Variants in PDE4D observed in about 807,000 individuals in gnomAD.
PDE4D encodes 3',5'-cyclic-AMP phosphodiesterase 4D.
A neutral mutation model predicts 87.4 loss-of-function variants in PDE4D; 24 were observed. That is an observed-to-expected ratio of 0.27 (90% CI 0.20 to 0.39). The LOEUF is 0.39. Ranked by LOEUF, PDE4D falls within the 10% of genes least tolerant of loss-of-function variation. The pLI is 1.00. For missense variants in PDE4D, 714 were observed against 1,041.0 expected, an observed-to-expected ratio of 0.69 and a Z score of 4.32; for synonymous variants, 384 against 383.2, an observed-to-expected ratio of 1.00 and a Z score of -0.02.
chr5:59,039,028 G>T, intron 5 of PDE4D, 57 bp from the exon 6 acceptor site: 1 of 1,537,684 alleles, frequency 6.5e-7, no homozygotes, highest in South Asian at 1.2e-5. Context: ...GGGTCCGCTA[G>T]CGAGTTCAAA....
At chr5:59,142,026 G>C (rs1777968154) in intron 5 of PDE4D, among the ~76,000 whole-genome samples, 1 of 152,070 alleles carries the variant, frequency 6.6e-6, no homozygotes, top group South Asian at 2.1e-4. Flanking sequence ...CTTGCAACCT[G>C]GCCCCACCCT....
chr5:60,099,193 T>G (rs1362157775), intron 2 of PDE4D, among the ~76,000 whole-genome samples: 1 of 151,936 alleles, frequency 6.6e-6, no homozygotes, highest in Non-Finnish European at 1.5e-5. Context: ...TACCCTTCCA[T>G]GTGATGAGTA....
chr5:59,807,144 G>A (rs1401228209), intron 1 of PDE4D, among the ~76,000 whole-genome samples: 5 of 152,020 alleles, frequency 3.3e-5, no homozygotes, highest in Non-Finnish European at 7.4e-5. Context: ...CTAAGCCCAG[G>A]GATTCAGCAT....
intron 1 of PDE4D, among the ~76,000 whole-genome samples, chr5:59,401,771 G>T (rs258108): frequency 0.42 from 63,927 of 152,134 alleles, 13,735 homozygotes; most frequent in East Asian, 0.49. Context: ...GGCTGTTGCC[G>T]CTCAGCAAGG....
chr5:59,851,393 G>C (rs912195050), intron 1 of PDE4D, among the ~76,000 whole-genome samples: 5 of 151,922 alleles, frequency 3.3e-5, no homozygotes, highest in African/African-American at 1.2e-4. Flanking sequence ...AAGTTTTGGG[G>C]TAATTAATTA....
intron 1 of PDE4D, among the ~76,000 whole-genome samples, chr5:60,420,824 C>T (rs1259600350): frequency 1.3e-5 from 2 of 152,218 alleles, no homozygotes; most frequent in Non-Finnish European, 2.9e-5. Context: ...ACAGGACACT[C>T]CCGCCCAAAT....
intron 1 of PDE4D, among the ~76,000 whole-genome samples, chr5:59,657,945 A>T (rs1236569454): frequency 6.6e-6 from 1 of 152,154 alleles, no homozygotes; most frequent in Non-Finnish European, 1.5e-5. Context: ...CTTATCACAG[A>T]TACTGAAATA....
chr5:60,247,786 A>G (rs1000186365), intron 1 of PDE4D, among the ~76,000 whole-genome samples: 1 of 151,900 alleles, frequency 6.6e-6, no homozygotes, highest in Non-Finnish European at 1.5e-5. Flanking sequence ...TTTTTCATAT[A>G]AGTGTTCACT....
intron 1 of PDE4D, among the ~76,000 whole-genome samples, chr5:59,591,346 A>G (rs1825888622): frequency 6.6e-6 from 1 of 152,166 alleles, no homozygotes; most frequent in South Asian, 2.1e-4. Flanking sequence ...TAAGCATAGT[A>G]TAATAAAGTC....
chr5:60,328,965 T>A, intron 1 of PDE4D, among the ~76,000 whole-genome samples: 1 of 152,228 alleles, frequency 6.6e-6, no homozygotes, highest in East Asian at 1.9e-4. Flanking sequence ...ACAGACCTTG[T>A]TAAAATAATT....
At chr5:59,382,490 A>G (rs1786080783) in intron 1 of PDE4D, among the ~76,000 whole-genome samples, 1 of 152,200 alleles carries the variant, frequency 6.6e-6, no homozygotes, top group South Asian at 2.1e-4. Context: ...AATTGTCATC[A>G]TAAATATAGT....
intron 1 of PDE4D, among the ~76,000 whole-genome samples, chr5:59,555,792 T>C (rs984558477): frequency 1.3e-5 from 2 of 152,148 alleles, no homozygotes; most frequent in Non-Finnish European, 2.9e-5. Context: ...AATTAATCCC[T>C]GTCTCTTGCT....
chr5:59,845,530 T>G (rs1043856423), intron 1 of PDE4D, among the ~76,000 whole-genome samples: 2 of 152,106 alleles, frequency 1.3e-5, no homozygotes, highest in Non-Finnish European at 2.9e-5. Flanking sequence ...TAAAATATAT[T>G]GGGACATCTC....
chr5:60,037,780 T>C (rs1767970989), intron 2 of PDE4D, among the ~76,000 whole-genome samples: 1 of 152,238 alleles, frequency 6.6e-6, no homozygotes. Context: ...TTCTGAAATA[T>C]GGAACATAAG....
intron 1 of PDE4D, among the ~76,000 whole-genome samples, chr5:59,689,748 G>A (rs911437933): frequency 3.3e-5 from 5 of 152,110 alleles, no homozygotes; most frequent in Non-Finnish European, 7.3e-5. Flanking sequence ...AAGAAATAAA[G>A]GGTATTCAAT....
chr5:59,431,722 A>G (rs1278185323), intron 1 of PDE4D, among the ~76,000 whole-genome samples: 1 of 151,974 alleles, frequency 6.6e-6, no homozygotes, highest in Middle Eastern at 3.2e-3. Context: ...AGATTATTTC[A>G]TCATCCAGAT....
intron 2 of PDE4D, among the ~76,000 whole-genome samples, chr5:59,212,758 T>C (rs1248401456): frequency 6.6e-6 from 1 of 152,040 alleles, no homozygotes; most frequent in African/African-American, 2.4e-5. Context: ...TCCTCTTTCT[T>C]TTGTCAATAC....
At chr5:59,036,900 T>A (rs534132366) in intron 6 of PDE4D, among the ~76,000 whole-genome samples, 5 of 152,202 alleles carry the variant, frequency 3.3e-5, no homozygotes, top group East Asian at 1.9e-4. Flanking sequence ...TTTGAAAAAA[T>A]TATCTTCTCA....
At chr5:59,737,370 T>A (rs2150645847) in intron 1 of PDE4D, among the ~76,000 whole-genome samples, 1 of 152,266 alleles carries the variant, frequency 6.6e-6, no homozygotes, top group African/African-American at 2.4e-5. Context: ...AGTAGGGTAA[T>A]TCATGCGTAT....
Sources: gnomAD v4.1 joint callset for allele counts (sites outside exome capture counted in the v4.1 genomes callset) on GRCh38, gnomAD v4.1.1 for gene constraint, MANE v1.5 for transcripts, NCBI Gene and HGNC (gene_info 2026-07-23, HGNC 2026-07-21) for gene names.